CAMTA1: variants seen among roughly 807,000 people sequenced by gnomAD.
The protein encoded by CAMTA1 is calmodulin-binding transcription activator 1.
In CAMTA1, 27 loss-of-function variants were observed where a neutral mutation model predicts 170.9. That is an observed-to-expected ratio of 0.16 (90% CI 0.12 to 0.22). The LOEUF (loss-of-function observed/expected upper bound fraction) is 0.22, where lower values mean the gene tolerates loss of function less well. Ranked by LOEUF, CAMTA1 falls within the 10% of genes least tolerant of loss-of-function variation. The probability of loss-of-function intolerance (pLI) is 1.00; values close to 1 mark genes in which losing one functional copy is unlikely to be tolerated. For synonymous variants in CAMTA1, 833 were observed against 891.5 expected (o/e 0.93, Z 1.17); for missense variants, 1,619 against 2,217.2 (o/e 0.73, Z 5.42).
At chr1:6,790,375 A>AGTGTGTGTGTGTGT (rs370868840) in intron 1 of CAMTA1, among the ~76,000 whole-genome samples, 10 of 139,060 alleles carry the variant, frequency 7.2e-5, no homozygotes, top group African/African-American at 2.2e-4. Flanking sequence ...AGAGAGAGAG[A>AGTGTGTGTGTGTGT]GTGTGTGTGT....
Position 6,790,414 on chromosome 1 carries a change from A to G in CAMTA1, c.45+4839A>G, listed in dbSNP as rs1245249175. Among the ~76,000 whole-genome samples the G allele has an allele frequency of 2.7e-5, 4 of 147,166 alleles. No homozygotes were observed. In the South Asian group the frequency reaches 6.6e-4, roughly 24 times the overall value. On this transcript the variant is annotated intron_variant, in intron 1 of 22. Transcript: ENST00000303635. ...TGTGTGTGTGTGTGTGTGTGTAGAC[A>G]AAAGTAAAGTCAGCCTTCTTAATCT...
At chr1:7,226,826 C>G (rs900298517) in intron 4 of CAMTA1, among the ~76,000 whole-genome samples, 1 of 151,948 alleles carries the variant, frequency 6.6e-6, no homozygotes, top group African/African-American at 2.4e-5. Flanking sequence ...TAACTGAAGC[C>G]TTTTTTATTT....
chr1:7,016,706 A>T (rs997008839), intron 3 of CAMTA1, among the ~76,000 whole-genome samples: 1 of 152,090 alleles, frequency 6.6e-6, no homozygotes, highest in Non-Finnish European at 1.5e-5. Flanking sequence ...GTGGTGGCAG[A>T]CACCTGTAAT....
rs926333146 is a variant in CAMTA1 at position 7,443,650 on chromosome 1, C to T, written c.439-24180C>T. 1.3e-5 allele frequency among the ~76,000 whole-genome samples: 2 copies of T among 152,010 alleles called. No homozygotes were observed. Among genetic ancestry groups the T allele is most frequent in the Admixed American group, 1.3e-4 (2 of 15,264 alleles). On this transcript the variant is annotated intron_variant, in intron 5 of 22. Coordinates refer to ENST00000303635, the MANE Select transcript of CAMTA1 (RefSeq NM_015215.4). This position sits in a 1 kb window ranked among gnomAD's most constrained non-coding sequence, Gnocchi z 4.1. ...ATGATTGCAGTGCCCTATAGTGCAC[C>T]GTTGGGGTAGAGGGAGGCCCAGAGC...
intron 3 of CAMTA1, among the ~76,000 whole-genome samples, chr1:6,847,691 T>C (rs1658764777): frequency 6.7e-6 from 1 of 149,874 alleles, no homozygotes; most frequent in Non-Finnish European, 1.5e-5. Context: ...AGGCATGCAC[T>C]GCCACCCCCA....
At chr1:7,478,603 C>T (rs966401072) in intron 6 of CAMTA1, among the ~76,000 whole-genome samples, 6 of 152,228 alleles carry the variant, frequency 3.9e-5, no homozygotes, top group Non-Finnish European at 5.9e-5. Context: ...TCTCTTAATC[C>T]TTCCGTCGGC....
At chr1:7,395,618 T>C (rs2089236858) in intron 5 of CAMTA1, among the ~76,000 whole-genome samples, 2 of 152,228 alleles carry the variant, frequency 1.3e-5, no homozygotes, top group African/African-American at 4.8e-5. Context: ...ACAATGTTAT[T>C]GGTATTTTGA....
chr1:7,468,645 G>A lies in CAMTA1; in HGVS notation c.510+744G>A, dbSNP rs116790442. Among the ~76,000 whole-genome samples, 479 of 152,362 alleles carry A rather than the reference G, an allele frequency of 3.1e-3. 4 individuals are homozygous for A. Among genetic ancestry groups the A allele is most frequent in the African/African-American group, 0.011 (456 of 41,578 alleles). ...AGGTCCTTTTCAAAATGCATCCTCTGATTTGCAGCTGTTCTTGGTAGAACC... is the reference window on the plus strand; with the variant it reads ...AGGTCCTTTTCAAAATGCATCCTCTAATTTGCAGCTGTTCTTGGTAGAACC... On this transcript the variant is annotated intron_variant, in intron 6 of 22. Transcript: ENST00000303635.
intron 5 of CAMTA1, among the ~76,000 whole-genome samples, chr1:7,262,940 A>T (rs911003463): frequency 6.6e-6 from 1 of 152,224 alleles, no homozygotes; most frequent in Non-Finnish European, 1.5e-5. Context: ...GCCTCCTTCC[A>T]GGTGCAGAAC....
At chr1:7,709,983 A>G (rs79473300) in intron 11 of CAMTA1, among the ~76,000 whole-genome samples, 290 of 152,264 alleles carry the variant, frequency 1.9e-3, no homozygotes, top group African/African-American at 6.8e-3. Context: ...ACTAGACTGG[A>G]TATTTCCTAA....
At chr1:7,015,795 G>C (rs1417320227) in intron 3 of CAMTA1, among the ~76,000 whole-genome samples, 4 of 150,702 alleles carry the variant, frequency 2.7e-5, no homozygotes, top group African/African-American at 1.0e-4. Context: ...GTGGCGGAAG[G>C]CAAAGGGGAA....
intron 5 of CAMTA1, among the ~76,000 whole-genome samples, chr1:7,252,588 G>T (rs1037572634): frequency 7.2e-5 from 11 of 152,190 alleles, no homozygotes; most frequent in Non-Finnish European, 1.3e-4. Flanking sequence ...CCTCACAGGA[G>T]GAGGGGGCTT....
At chr1:6,889,891 T>A (rs964644698) in intron 3 of CAMTA1, among the ~76,000 whole-genome samples, 1 of 152,224 alleles carries the variant, frequency 6.6e-6, no homozygotes, top group East Asian at 1.9e-4. Flanking sequence ...TGCTGCTGCA[T>A]GTGTGTACCT....
chr1:7,151,952 A>G (rs569768357), intron 4 of CAMTA1, among the ~76,000 whole-genome samples: 1 of 152,272 alleles, frequency 6.6e-6, no homozygotes, highest in Non-Finnish European at 1.5e-5. Context: ...TGCTGTCTTT[A>G]TAATATAGGA....
At chr1:7,320,026 A>G (rs1287088553) in intron 5 of CAMTA1, among the ~76,000 whole-genome samples, 3 of 152,312 alleles carry the variant, frequency 2.0e-5, no homozygotes, top group South Asian at 2.1e-4. Flanking sequence ...TTTTCTACAT[A>G]TACAATCATG....
At chr1:7,102,722 G>A (rs1331676201) in intron 4 of CAMTA1, among the ~76,000 whole-genome samples, 1 of 152,108 alleles carries the variant, frequency 6.6e-6, no homozygotes, top group Non-Finnish European at 1.5e-5. Context: ...CCAGTGTCAT[G>A]GGCTCGCTCT....
At chr1:7,329,736 G>A (rs532536435) in intron 5 of CAMTA1, among the ~76,000 whole-genome samples, 7 of 152,286 alleles carry the variant, frequency 4.6e-5, no homozygotes, top group Non-Finnish European at 7.4e-5. Context: ...TCTTCTATGT[G>A]TAACCCCAAA....
chr1:7,323,507 CTTTTTTT>C (rs56382342), intron 5 of CAMTA1, among the ~76,000 whole-genome samples: 38 of 108,984 alleles, frequency 3.5e-4, no homozygotes, highest in Admixed American at 8.3e-4. Flanking sequence ...CTTTATTCTT[CTTTTTTT>C]TTTTTTTTTT....
At position 7,041,344 on chromosome 1, in the gene CAMTA1, A is replaced by G. The variant is rs975977158; in HGVS notation, c.235-49960A>G. On this transcript the variant is annotated intron_variant, in intron 3 of 22. Coordinates refer to ENST00000303635, the MANE Select transcript of CAMTA1 (RefSeq NM_015215.4). The surrounding 1 kb of genome is among the most constrained non-coding windows in gnomAD (Gnocchi z 5.1). ...GGCTGCTGTGGCTTTGCCAGCATCT[A>G]TTGTCTAAGAGGGCTGGGGAAGCTC... 1.8e-4 allele frequency among the ~76,000 whole-genome samples: 28 copies of G among 152,280 alleles called. No homozygotes were observed. The highest frequency in any genetic ancestry group is 5.2e-4 in the Admixed American group (8 of 15,304).
Sources: allele counts gnomAD v4.1 joint callset (sites outside exome capture counted in the v4.1 genomes callset), GRCh38; gene constraint gnomAD v4.1.1; non-coding constraint Gnocchi (gnomAD v3.1); transcripts MANE v1.5; gene names NCBI Gene and HGNC (gene_info 2026-07-23, HGNC 2026-07-21).